Variants in AFF3 observed in about 807,000 individuals in gnomAD.
AFF3 encodes AF4/FMR2 family member 3.
AFF3 carries 32 observed loss-of-function variants against 129.7 expected under a neutral mutation model. The ratio of observed to expected loss-of-function variants is 0.25; its 90% CI spans 0.19 to 0.33. AFF3 has a LOEUF of 0.33. AFF3 is among the 10% of genes least tolerant of loss of function. AFF3 has a pLI of 1.00. For synonymous variants in AFF3, 644 were observed against 635.4 expected, an observed-to-expected ratio of 1.01 and a Z score of -0.20; for missense variants, 1,373 against 1,592.0, an observed-to-expected ratio of 0.86 and a Z score of 2.34.
intron 4 of AFF3, among the ~76,000 whole-genome samples, chr2:100,103,710 G>C (rs1285403148): frequency 6.6e-6 from 1 of 152,054 alleles, no homozygotes; most frequent in East Asian, 1.9e-4. Flanking sequence ...TGGCATAAAG[G>C]GATACCCGGG....
intron 4 of AFF3, among the ~76,000 whole-genome samples, chr2:100,020,565 C>T (rs1683508114): frequency 6.6e-6 from 1 of 152,166 alleles, no homozygotes; most frequent in African/African-American, 2.4e-5. Context: ...CCAACCCCAG[C>T]CTCTACTTGT....
At chr2:99,712,791 T>C (rs980474008) in intron 11 of AFF3, among the ~76,000 whole-genome samples, 14 of 152,194 alleles carry the variant, frequency 9.2e-5, no homozygotes, top group African/African-American at 2.9e-4. Context: ...AAACCCACGT[T>C]CCTGGCAGCC....
At chr2:99,811,419 G>GTT (rs1553458245) in intron 8 of AFF3, among the ~76,000 whole-genome samples, 1 of 151,358 alleles carries the variant, frequency 6.6e-6, no homozygotes, top group Non-Finnish European at 1.5e-5. Context: ...GAGGTTTTTT[G>GTT]GTTTTTTTTT....
At position 100,069,583 on chromosome 2, in the gene AFF3, T is replaced by C. The variant is rs560784205; in HGVS notation, c.53+34819A>G. Reference sequence around the variant, plus strand: ...GATCAAGCTTAAGAGCATTCACTGATTAAAAATGAGGACAGAATGGCTTAC... The same window carrying C: ...GATCAAGCTTAAGAGCATTCACTGACTAAAAATGAGGACAGAATGGCTTAC... On this transcript the variant is annotated intron_variant, in intron 4 of 24. Transcript: ENST00000672756. Among the ~76,000 whole-genome samples, 3 of 152,328 alleles carry C rather than the reference T, an allele frequency of 2.0e-5. No individual in the cohort carries two copies. In the East Asian group the frequency reaches 5.8e-4, roughly 29 times the overall value.
intron 7 of AFF3, among the ~76,000 whole-genome samples, chr2:99,994,604 T>C (rs1044209961): frequency 5.9e-5 from 9 of 152,154 alleles, no homozygotes; most frequent in African/African-American, 1.9e-4. Flanking sequence ...TATCATTTTT[T>C]AATAAGAGGA....
chr2:100,044,024 A>G (rs1487607043), intron 4 of AFF3, among the ~76,000 whole-genome samples: 1 of 152,162 alleles, frequency 6.6e-6, no homozygotes, highest in Non-Finnish European at 1.5e-5. Context: ...CTTGCACCTG[A>G]GCGTCTCCAT....
intron 7 of AFF3, among the ~76,000 whole-genome samples, chr2:99,940,320 CA>C (rs1322227789): frequency 2.6e-5 from 4 of 152,212 alleles, no homozygotes; most frequent in Non-Finnish European, 5.9e-5. Flanking sequence ...GCATTTGAAT[CA>C]GAGCAACTCC....
chr2:99,686,054 G>A (rs192096375), intron 11 of AFF3, among the ~76,000 whole-genome samples: 55 of 152,234 alleles, frequency 3.6e-4, no homozygotes, highest in Admixed American at 3.5e-3. Flanking sequence ...GCCGGGCTTG[G>A]TGGTGGGTGC....
At chr2:99,599,303 G>A (rs61305099) in intron 14 of AFF3, among the ~76,000 whole-genome samples, 4,423 of 152,268 alleles carry the variant, frequency 0.029, 209 homozygotes, top group African/African-American at 0.1. Context: ...CTGTCACCCA[G>A]GCTGGAGTAC....
chr2:99,884,573 ATT>A (rs10716607), intron 7 of AFF3, among the ~76,000 whole-genome samples: 1 of 150,946 alleles, frequency 6.6e-6, no homozygotes, highest in Non-Finnish European at 1.5e-5. Flanking sequence ...TAATTTTTGT[ATT>A]TTTTTTTTGG....
intron 18 of AFF3, among the ~76,000 whole-genome samples, chr2:99,575,000 G>C (rs1000140737): frequency 6.6e-6 from 1 of 152,112 alleles, no homozygotes; most frequent in Non-Finnish European, 1.5e-5. Context: ...TGGGCAGGAA[G>C]GAGGCCGAGA....
intron 7 of AFF3, among the ~76,000 whole-genome samples, chr2:99,938,127 G>A (rs1674697397): frequency 6.6e-6 from 1 of 152,122 alleles, no homozygotes; most frequent in Non-Finnish European, 1.5e-5. Flanking sequence ...GCTTAACCCG[G>A]TCCTAACACA....
At position 99,659,485 on chromosome 2, in the gene AFF3, G is replaced by A. The variant is rs145753892; in HGVS notation, c.1144-9819C>T. The stretch of plus-strand genomic sequence containing the variant: ...CAGATGGTGATGCTGGTCAAAGTGA[G>A]GAAGTGATTTATCTTCTGGACAGCT... On this transcript the variant is annotated intron_variant, in intron 12 of 24. Coordinates refer to ENST00000672756, the MANE Select transcript of AFF3 (RefSeq NM_001386135.1). Among the ~76,000 whole-genome samples the A allele has an allele frequency of 6.6e-4, 101 of 152,316 alleles. 2 individuals are homozygous for A. The highest frequency in any genetic ancestry group is 2.3e-3 in the African/African-American group (96 of 41,574).
At chr2:99,621,429 G>T (rs1035180742) in intron 13 of AFF3, among the ~76,000 whole-genome samples, 3 of 152,182 alleles carry the variant, frequency 2.0e-5, no homozygotes, top group Non-Finnish European at 2.9e-5. Context: ...TGTATATAAA[G>T]TGGCTTCAAG....
chr2:99,884,574 T>G (rs1321926871), intron 7 of AFF3, among the ~76,000 whole-genome samples: 1 of 48,474 alleles, frequency 2.1e-5, no homozygotes, highest in Non-Finnish European at 3.9e-5. Context: ...AATTTTTGTA[T>G]TTTTTTTTTG....
At chr2:99,773,337 C>A (rs940585478) in intron 8 of AFF3, among the ~76,000 whole-genome samples, 1 of 152,074 alleles carries the variant, frequency 6.6e-6, no homozygotes, top group Admixed American at 6.5e-5. Context: ...TTACTTGACT[C>A]GTGAGGTAGG....
chr2:99,886,330 T>A (rs2106047603), intron 7 of AFF3, among the ~76,000 whole-genome samples: 1 of 152,332 alleles, frequency 6.6e-6, no homozygotes, highest in Non-Finnish European at 1.5e-5. Flanking sequence ...GAACCTTGTC[T>A]TTAAATGGAC....
intron 7 of AFF3, among the ~76,000 whole-genome samples, chr2:99,845,377 C>T (rs1689645414): frequency 6.6e-6 from 1 of 152,164 alleles, no homozygotes; most frequent in South Asian, 2.1e-4. Context: ...ATTTGGTTTT[C>T]AGAAAGTTAA....
chr2:100,004,988 C>T (rs969104747), intron 7 of AFF3, among the ~76,000 whole-genome samples: 1 of 152,134 alleles, frequency 6.6e-6, no homozygotes, highest in African/African-American at 2.4e-5. Flanking sequence ...GGCAGGCTCG[C>T]TAGTTCAATG....
Sources: allele counts gnomAD v4.1 joint callset (sites outside exome capture counted in the v4.1 genomes callset), GRCh38; gene constraint gnomAD v4.1.1; transcripts MANE v1.5; gene names NCBI Gene and HGNC (gene_info 2026-07-23, HGNC 2026-07-21).